EPHX1: variants seen among roughly 807,000 people sequenced by gnomAD.
EPHX1 encodes epoxide hydrolase 1.
In EPHX1, 40 loss-of-function variants were observed where a neutral mutation model predicts 43.2. That is an observed-to-expected ratio of 0.93 (90% CI 0.72 to 1.21). The LOEUF (loss-of-function observed/expected upper bound fraction) is 1.21, where lower values mean the gene tolerates loss of function less well. EPHX1 is among the 50% of genes most tolerant of loss of function. The pLI is 0.00. For missense variants in EPHX1, 550 were observed against 570.4 expected (o/e 0.96, Z 0.36); for synonymous variants, 221 against 226.7 (o/e 0.98, Z 0.22).
At chr1:225,824,799 C>T (rs781542621) in intron 1 of EPHX1, among the ~76,000 whole-genome samples, 1 of 152,148 alleles carries the variant, frequency 6.6e-6, no homozygotes, top group Non-Finnish European at 1.5e-5. Flanking sequence ...CATGTGGGAG[C>T]GCAAGGCGGC....
intron 4 of EPHX1, 105 bp from the exon 5 acceptor site, chr1:225,839,112 C>T (rs917227129): frequency 6.4e-7 from 1 of 1,573,708 alleles, no homozygotes; most frequent in African/African-American, 1.3e-5. Context: ...TTCTGACCTC[C>T]ACCTGGGGGT....
intron 3 of EPHX1, among the ~76,000 whole-genome samples, chr1:225,834,589 T>TTA (rs1553485439): frequency 1.7e-5 from 2 of 121,182 alleles, no homozygotes; most frequent in Non-Finnish European, 3.3e-5. Context: ...CCAAGAACAC[T>TTA]AAAAAAAAAA....
At chr1:225,829,934 G>T (rs1474409500) in intron 2 of EPHX1, among the ~76,000 whole-genome samples, 2 of 151,994 alleles carry the variant, frequency 1.3e-5, no homozygotes, top group African/African-American at 4.8e-5. Context: ...AATTAGCCGG[G>T]CATAGTGGCG....
intron 3 of EPHX1, among the ~76,000 whole-genome samples, chr1:225,834,477 C>G (rs1177733935): frequency 6.6e-6 from 1 of 150,950 alleles, no homozygotes; most frequent in Non-Finnish European, 1.5e-5. Context: ...CATCCTTGTT[C>G]TGATGCAAGC....
At chr1:225,825,047 C>G (rs1208561780) in intron 1 of EPHX1, among the ~76,000 whole-genome samples, 1 of 152,204 alleles carries the variant, frequency 6.6e-6, no homozygotes, top group Non-Finnish European at 1.5e-5. Flanking sequence ...TGCAAGAGAT[C>G]GTGTTTTTAA....
chr1:225,812,391 T>TA (rs1212107870), intron 1 of EPHX1, among the ~76,000 whole-genome samples: 8 of 152,210 alleles, frequency 5.3e-5, no homozygotes, highest in African/African-American at 1.9e-4. Flanking sequence ...GGCATGGACT[T>TA]ACGCGGCTGG....
Position 225,813,572 on chromosome 1 carries a change from G to T in EPHX1, c.-6+3403G>T, listed in dbSNP as rs1396775807. 3.3e-5 allele frequency among the ~76,000 whole-genome samples: 5 copies of T among 152,334 alleles called. No homozygotes were observed. The East Asian group carries it at 5.8e-4, about 18-fold the overall frequency. On this transcript the variant is annotated intron_variant, in intron 1 of 8. Coordinates refer to ENST00000272167, the MANE Select transcript of EPHX1 (RefSeq NM_001136018.4). ...TCCTCCGTTATATAACTGAGCACAC[G>T]ATTGTGCAAACCAAGCTCACACTGA...
intron 3 of EPHX1, among the ~76,000 whole-genome samples, chr1:225,835,583 G>T (rs1251181933): frequency 1.3e-5 from 2 of 151,754 alleles, no homozygotes; most frequent in Non-Finnish European, 1.5e-5. Context: ...TAGAGACGGG[G>T]TTTCACCGTG....
chr1:225,818,511 G>A (rs183027058), intron 1 of EPHX1, among the ~76,000 whole-genome samples: 39 of 152,288 alleles, frequency 2.6e-4, no homozygotes, highest in Non-Finnish European at 3.1e-4. Flanking sequence ...GTGGGAAGGG[G>A]AGGGAATAGC....
chr1:225,827,499 A>G (rs181141737), intron 1 of EPHX1, among the ~76,000 whole-genome samples: 6 of 152,320 alleles, frequency 3.9e-5, no homozygotes, highest in African/African-American at 1.4e-4. Context: ...CTTTGCCAAG[A>G]CTATGGTTTC....
intron 4 of EPHX1, 94 bp from the exon 5 acceptor site, chr1:225,839,123 A>AG: frequency 6.3e-7 from 1 of 1,588,358 alleles, no homozygotes; most frequent in Non-Finnish European, 8.6e-7. Context: ...ACCTGGGGGT[A>AG]GGCGGGCCTG....
At chr1:225,833,902 C>T (rs1353453244) in intron 3 of EPHX1, among the ~76,000 whole-genome samples, 2 of 150,006 alleles carry the variant, frequency 1.3e-5, no homozygotes, top group East Asian at 3.9e-4. Context: ...TCGAGACCAT[C>T]CTGGTCTAAC....
intron 3 of EPHX1, among the ~76,000 whole-genome samples, chr1:225,832,953 A>G (rs189467940): frequency 6.6e-6 from 1 of 152,124 alleles, no homozygotes; most frequent in Non-Finnish European, 1.5e-5. Context: ...TATATTTGCA[A>G]ATGTTTTCTC....
chr1:225,837,512 C>T (rs886204114), intron 3 of EPHX1, among the ~76,000 whole-genome samples: 7 of 152,260 alleles, frequency 4.6e-5, no homozygotes, highest in Middle Eastern at 3.4e-3. Context: ...AAAAATCTTC[C>T]ACTTTATTTT....
intron 3 of EPHX1, among the ~76,000 whole-genome samples, chr1:225,837,965 A>G (rs933586935): frequency 1.3e-5 from 2 of 152,260 alleles, no homozygotes; most frequent in African/African-American, 4.8e-5. Context: ...AGAAATTAAA[A>G]GCACTGGAAT....
chr1:225,816,702 C>T (rs1224417717), intron 1 of EPHX1, among the ~76,000 whole-genome samples: 1 of 152,236 alleles, frequency 6.6e-6, no homozygotes, highest in Non-Finnish European at 1.5e-5. Context: ...CCAGACCCTC[C>T]ACAGCAGATG....
intron 1 of EPHX1, among the ~76,000 whole-genome samples, chr1:225,815,450 A>T (rs1391078553): frequency 1.6e-5 from 2 of 124,700 alleles, no homozygotes; most frequent in Admixed American, 9.9e-5. Context: ...ACAAGGTTTC[A>T]CTGTGTTGCC....
intron 3 of EPHX1, among the ~76,000 whole-genome samples, chr1:225,835,625 G>C (rs1230484904): frequency 1.3e-5 from 2 of 151,592 alleles, no homozygotes; most frequent in Non-Finnish European, 2.9e-5. Flanking sequence ...GCCTGACCTC[G>C]TGATCCACCT....
At chr1:225,843,990 G>A (rs1350711516) in intron 7 of EPHX1, among the ~76,000 whole-genome samples, 4 of 152,184 alleles carry the variant, frequency 2.6e-5, no homozygotes. Flanking sequence ...GAAAGTGGAA[G>A]GTGGGGTGGG....
Sources: gnomAD v4.1 joint callset for allele counts (sites outside exome capture counted in the v4.1 genomes callset) on GRCh38, gnomAD v4.1.1 for gene constraint, MANE v1.5 for transcripts, NCBI Gene and HGNC (gene_info 2026-07-23, HGNC 2026-07-21) for gene names.